Variants in UNC5C observed in about 807,000 individuals in gnomAD.
UNC5C encodes the protein unc-5 netrin receptor C.
A neutral mutation model predicts 99.8 loss-of-function variants in UNC5C; 47 were observed. The observed-to-expected ratio is 0.47, with a 90% CI of 0.37 to 0.60. The LOEUF (loss-of-function observed/expected upper bound fraction) is 0.60. Among genes scored for constraint, UNC5C ranks in the 20% least tolerant of loss-of-function variants. UNC5C has a pLI of 0.00. For synonymous variants in UNC5C, 487 were observed against 452.2 expected, an observed-to-expected ratio of 1.08 and a Z score of -0.98; for missense variants, 1,062 against 1,165.9, an observed-to-expected ratio of 0.91 and a Z score of 1.30.
chr4:95,374,653 A>G (rs1246985866), intron 1 of UNC5C, among the ~76,000 whole-genome samples: 1 of 152,126 alleles, frequency 6.6e-6, no homozygotes, highest in East Asian at 1.9e-4. Context: ...CATAATCTAG[A>G]AGAGAAGGTA....
At chr4:95,545,858 T>C (rs938899598) in intron 1 of UNC5C, among the ~76,000 whole-genome samples, 2 of 152,100 alleles carry the variant, frequency 1.3e-5, no homozygotes, top group African/African-American at 4.8e-5. Flanking sequence ...TCCCTGGAGC[T>C]AGGAGTTCCC....
chr4:95,177,322 C>T (rs1305843938), intron 14 of UNC5C, among the ~76,000 whole-genome samples: 5 of 152,158 alleles, frequency 3.3e-5, no homozygotes, highest in Admixed American at 6.5e-5. Flanking sequence ...AACTAACTGG[C>T]CACACCCAGT....
intron 3 of UNC5C, among the ~76,000 whole-genome samples, chr4:95,295,919 C>T (rs1741653534): frequency 6.6e-6 from 1 of 152,108 alleles, no homozygotes; most frequent in Non-Finnish European, 1.5e-5. Context: ...ACCCCTATTT[C>T]TACTAAAAAT....
intron 3 of UNC5C, 72 bp downstream of exon 3, chr4:95,301,534 A>T: frequency 6.3e-7 from 1 of 1,595,192 alleles, no homozygotes; most frequent in Non-Finnish European, 8.6e-7. Context: ...GTGCTGGAGT[A>T]GTCACAGTGT....
intron 1 of UNC5C, among the ~76,000 whole-genome samples, chr4:95,471,339 C>A (rs17024007): frequency 2.0e-5 from 3 of 151,854 alleles, no homozygotes; most frequent in Non-Finnish European, 4.4e-5. Flanking sequence ...TTTACAAGAC[C>A]TTTGAATGTA....
intron 7 of UNC5C, among the ~76,000 whole-genome samples, chr4:95,236,733 T>C (rs1466456741): frequency 6.6e-6 from 1 of 152,216 alleles, no homozygotes; most frequent in East Asian, 1.9e-4. Flanking sequence ...TAAATACATA[T>C]ATAAATCCAT....
chr4:95,324,050 T>G (rs1297009851), intron 2 of UNC5C, among the ~76,000 whole-genome samples: 1 of 151,748 alleles, frequency 6.6e-6, no homozygotes, highest in African/African-American at 2.4e-5. Flanking sequence ...AATAAATAAA[T>G]AAATAAATAA....
chr4:95,325,391 T>C (rs1173565624), intron 2 of UNC5C, among the ~76,000 whole-genome samples: 2 of 151,246 alleles, frequency 1.3e-5, no homozygotes, highest in African/African-American at 4.8e-5. Context: ...GAGCTATATA[T>C]TAAAGAGTAG....
chr4:95,292,578 G>C (rs6831900), intron 3 of UNC5C, among the ~76,000 whole-genome samples: 2,024 of 152,092 alleles, frequency 0.013, 49 homozygotes, highest in African/African-American at 0.046. Context: ...AAGGGGGTGA[G>C]GGGGTACAGA....
chr4:95,337,390 C>G (rs1270434155), intron 1 of UNC5C, among the ~76,000 whole-genome samples: 1 of 151,932 alleles, frequency 6.6e-6, no homozygotes, highest in East Asian at 1.9e-4. Context: ...TACTACCTTA[C>G]CTTATTCAAT....
intron 1 of UNC5C, among the ~76,000 whole-genome samples, chr4:95,496,459 G>T (rs555927282): frequency 1.3e-4 from 19 of 151,750 alleles, no homozygotes; most frequent in Admixed American, 3.9e-4. Flanking sequence ...ATTTTAACTA[G>T]GAAATTATGA....
intron 1 of UNC5C, among the ~76,000 whole-genome samples, chr4:95,420,066 A>G (rs1167064869): frequency 6.6e-6 from 1 of 152,206 alleles, no homozygotes; most frequent in African/African-American, 2.4e-5. Flanking sequence ...AAGTATGAAT[A>G]CCTATAATCA....
intron 1 of UNC5C, among the ~76,000 whole-genome samples, chr4:95,376,095 G>A (rs909545970): frequency 5.3e-5 from 8 of 151,760 alleles, no homozygotes; most frequent in African/African-American, 1.9e-4. Context: ...TATATATACA[G>A]AATAAACAGA....
intron 2 of UNC5C, among the ~76,000 whole-genome samples, chr4:95,317,241 T>G (rs1158537029): frequency 6.6e-6 from 1 of 152,140 alleles, no homozygotes; most frequent in East Asian, 1.9e-4. Flanking sequence ...GGAGGCAGTT[T>G]AGTAGTTGCA....
chr4:95,491,702 A>G (rs1421747298), intron 1 of UNC5C, among the ~76,000 whole-genome samples: 4 of 151,634 alleles, frequency 2.6e-5, no homozygotes, highest in Non-Finnish European at 5.9e-5. Flanking sequence ...TAAAATTATA[A>G]CTATCAATTA....
intron 1 of UNC5C, among the ~76,000 whole-genome samples, chr4:95,367,688 C>T (rs548552231): frequency 6.6e-6 from 1 of 152,206 alleles, no homozygotes; most frequent in South Asian, 2.1e-4. Context: ...TTTGAACATA[C>T]TATTTATCCT....
intron 14 of UNC5C, among the ~76,000 whole-genome samples, chr4:95,174,994 G>T (rs993805699): frequency 2.6e-5 from 4 of 151,716 alleles, no homozygotes; most frequent in African/African-American, 9.7e-5. Flanking sequence ...TTACCATTAT[G>T]TAATGGCCTT....
chr4:95,486,887 G>A (rs191500985), intron 1 of UNC5C, among the ~76,000 whole-genome samples: 159 of 151,836 alleles, frequency 1.0e-3, no homozygotes, highest in African/African-American at 3.4e-3. Flanking sequence ...CAATGCAATG[G>A]TTGGGAGGTG....
intron 10 of UNC5C, 27 bp from the exon 11 acceptor site, chr4:95,206,823 A>C (rs1737895843): frequency 3.3e-6 from 5 of 1,520,876 alleles, no homozygotes; most frequent in Admixed American, 2.2e-5. Flanking sequence ...GAATGGCTTC[A>C]GTGACATTTC....
Sources: gnomAD v4.1 joint callset for allele counts (sites outside exome capture counted in the v4.1 genomes callset) on GRCh38, gnomAD v4.1.1 for gene constraint, MANE v1.5 for transcripts, NCBI Gene and HGNC (gene_info 2026-07-23, HGNC 2026-07-21) for gene names.